INPP4B: variants seen among roughly 807,000 people sequenced by gnomAD.
INPP4B encodes inositol polyphosphate 4-phosphatase type II.
Under a neutral mutation model 122.5 loss-of-function variants are expected in INPP4B, and 55 were observed. That is an observed-to-expected ratio of 0.45 (90% CI 0.36 to 0.56). The LOEUF is 0.56. Among genes scored for constraint, INPP4B ranks in the 20% least tolerant of loss-of-function variants. The pLI, the probability that INPP4B is intolerant of heterozygous loss-of-function variation, is 0.00. For missense variants in INPP4B, 1,000 were observed against 1,097.7 expected, an observed-to-expected ratio of 0.91 and a Z score of 1.26; for synonymous variants, 403 against 388.7, an observed-to-expected ratio of 1.04 and a Z score of -0.43.
intron 25 of INPP4B, among the ~76,000 whole-genome samples, chr4:142,032,840 C>CAAG (rs1741205499): frequency 6.6e-6 from 1 of 152,108 alleles, no homozygotes; most frequent in Non-Finnish European, 1.5e-5. Context: ...ATGCCTATAG[C>CAAG]AAGCATTCAA....
At chr4:142,808,043 T>C (rs1451528765) in intron 1 of INPP4B, among the ~76,000 whole-genome samples, 1 of 151,918 alleles carries the variant, frequency 6.6e-6, no homozygotes, top group African/African-American at 2.4e-5. Flanking sequence ...TAAAAGACTT[T>C]ACTGAACTCT....
intron 1 of INPP4B, among the ~76,000 whole-genome samples, chr4:142,786,167 C>T (rs1561067805): frequency 6.6e-6 from 1 of 152,054 alleles, no homozygotes; most frequent in Non-Finnish European, 1.5e-5. Context: ...GGAACCTGGG[C>T]TCTTTGGATA....
At chr4:142,670,686 T>C (rs1462669141) in intron 2 of INPP4B, among the ~76,000 whole-genome samples, 2 of 152,064 alleles carry the variant, frequency 1.3e-5, no homozygotes, top group Admixed American at 6.6e-5. Context: ...TGTTAAAGGA[T>C]ACAAAATTTC....
chr4:142,544,702 G>A (rs1829351989), intron 2 of INPP4B, among the ~76,000 whole-genome samples: 1 of 152,094 alleles, frequency 6.6e-6, no homozygotes, highest in Non-Finnish European at 1.5e-5. Context: ...ATGAGACAGG[G>A]CAGGCTGACC....
At chr4:142,422,546 T>C (rs1383718700) in intron 5 of INPP4B, among the ~76,000 whole-genome samples, 2 of 152,108 alleles carry the variant, frequency 1.3e-5, no homozygotes, top group African/African-American at 4.8e-5. Flanking sequence ...GGCTCATGCC[T>C]GTACTCCCAG....
chr4:142,434,716 A>C (rs945644338), intron 3 of INPP4B, among the ~76,000 whole-genome samples: 1 of 152,182 alleles, frequency 6.6e-6, no homozygotes, highest in African/African-American at 2.4e-5. Flanking sequence ...GCCAAAACTC[A>C]GTAGGTTTTC....
intron 2 of INPP4B, among the ~76,000 whole-genome samples, chr4:142,565,150 A>G (rs1168015090): frequency 6.6e-6 from 1 of 152,134 alleles, no homozygotes; most frequent in Non-Finnish European, 1.5e-5. Context: ...CAATGAGCCC[A>G]GCTGATTCCC....
At chr4:142,290,954 T>C (rs1756212975) in intron 9 of INPP4B, among the ~76,000 whole-genome samples, 1 of 152,094 alleles carries the variant, frequency 6.6e-6, no homozygotes, top group Non-Finnish European at 1.5e-5. Context: ...ACTAGTTCAA[T>C]TTTTTTGAAC....
chr4:142,314,275 A>C (rs1766653234), intron 8 of INPP4B, among the ~76,000 whole-genome samples: 1 of 152,182 alleles, frequency 6.6e-6, no homozygotes, highest in Non-Finnish European at 1.5e-5. Flanking sequence ...CATTGGACTG[A>C]ACAGTGGTGG....
At chr4:142,090,532 T>A (rs966829644) in intron 23 of INPP4B, among the ~76,000 whole-genome samples, 2 of 152,078 alleles carry the variant, frequency 1.3e-5, no homozygotes, top group Admixed American at 1.3e-4. Flanking sequence ...TCCTGATGTA[T>A]CAACTGAAAA....
intron 1 of INPP4B, among the ~76,000 whole-genome samples, chr4:142,764,822 G>T (rs1771854420): frequency 6.6e-6 from 1 of 151,916 alleles, no homozygotes; most frequent in South Asian, 2.1e-4. Context: ...ACACATGCTA[G>T]AACACGGAGG....
chr4:142,692,246 T>A (rs1303725902), intron 2 of INPP4B, among the ~76,000 whole-genome samples: 2 of 152,120 alleles, frequency 1.3e-5, no homozygotes, highest in East Asian at 1.9e-4. Flanking sequence ...TTACTCTAAA[T>A]AGATTACTAA....
intron 11 of INPP4B, among the ~76,000 whole-genome samples, chr4:142,243,118 G>T (rs545740771): frequency 6.6e-6 from 1 of 152,286 alleles, no homozygotes; most frequent in Non-Finnish European, 1.5e-5. Flanking sequence ...ATGCAAGAGA[G>T]AGCACAGGGA....
chr4:142,052,865 C>T (rs534489002), intron 25 of INPP4B, among the ~76,000 whole-genome samples: 25 of 152,070 alleles, frequency 1.6e-4, no homozygotes, highest in South Asian at 6.2e-4. Flanking sequence ...ATTTGCTTGT[C>T]GAATTCTACC....
At chr4:142,058,895 A>C (rs1057253022) in intron 25 of INPP4B, among the ~76,000 whole-genome samples, 1 of 152,154 alleles carries the variant, frequency 6.6e-6, no homozygotes, top group Non-Finnish European at 1.5e-5. Flanking sequence ...GAAAATAATG[A>C]GAAAGATTAT....
chr4:142,778,588 G>T (rs1774295890), intron 1 of INPP4B, among the ~76,000 whole-genome samples: 2 of 151,930 alleles, frequency 1.3e-5, no homozygotes, highest in African/African-American at 4.8e-5. Context: ...GAGCAATATG[G>T]CACGCTTCCA....
intron 2 of INPP4B, 70 bp from the exon 3 acceptor site, chr4:142,462,796 T>C (rs1007656134): frequency 6.6e-6 from 1 of 152,190 alleles, no homozygotes; most frequent in Non-Finnish European, 1.5e-5. Flanking sequence ...AAAGCACCCA[T>C]AGGTAAAGTG....
chr4:142,629,099 AACAAAAGT>A (rs1413851360), intron 2 of INPP4B, among the ~76,000 whole-genome samples: 1 of 152,020 alleles, frequency 6.6e-6, no homozygotes, highest in Non-Finnish European at 1.5e-5. Context: ...TAAGGATGTA[AACAAAAGT>A]AATAGGTAAA....
intron 11 of INPP4B, among the ~76,000 whole-genome samples, chr4:142,255,976 T>C (rs190600489): frequency 1.4e-5 from 2 of 145,994 alleles, no homozygotes; most frequent in African/African-American, 2.5e-5. Context: ...TCAGCAAATG[T>C]AAAGTAACAG....
Sources: gnomAD v4.1 joint callset for allele counts (sites outside exome capture counted in the v4.1 genomes callset) on GRCh38, gnomAD v4.1.1 for gene constraint, MANE v1.5 for transcripts, NCBI Gene and HGNC (gene_info 2026-07-23, HGNC 2026-07-21) for gene names.